ACBD5: variants seen among roughly 807,000 people sequenced by gnomAD.
The protein encoded by ACBD5 is acyl-CoA binding domain containing 5, also known as acyl-CoA-binding domain-containing protein 5.
Under a neutral mutation model 71.8 loss-of-function variants are expected in ACBD5, and 40 were observed. The observed-to-expected ratio is 0.56, with a 90% CI of 0.43 to 0.72. The LOEUF (loss-of-function observed/expected upper bound fraction) is 0.72, where lower values mean the gene tolerates loss of function less well. Ranked by LOEUF, ACBD5 falls within the 30% of genes least tolerant of loss-of-function variation. ACBD5 has a pLI of 0.00. For missense variants in ACBD5, 559 were observed against 644.5 expected (o/e 0.87, Z 1.44); for synonymous variants, 229 against 218.6 (o/e 1.05, Z -0.42).
chr10:27,204,078 T>C (rs915607078), intron 12 of ACBD5, among the ~76,000 whole-genome samples: 1 of 129,738 alleles, frequency 7.7e-6, no homozygotes, highest in Admixed American at 9.9e-5. Context: ...TCAGTGCACA[T>C]GATCATGCCT....
chr10:27,185,154 G>A (rs1443169026), intron 13 of ACBD5, among the ~76,000 whole-genome samples: 1 of 152,164 alleles, frequency 6.6e-6, no homozygotes, highest in Non-Finnish European at 1.5e-5. Flanking sequence ...GGAGAAGGGG[G>A]TGAGCTTCAT....
intron 7 of ACBD5, 93 bp from the exon 8 acceptor site, chr10:27,215,734 C>G: frequency 3.3e-6 from 3 of 913,976 alleles, no homozygotes; most frequent in East Asian, 2.8e-5. Flanking sequence ...GAGTCTTGCT[C>G]TGTTGCCCAG....
At chr10:27,221,099 A>G (rs2062277402) in intron 5 of ACBD5, among the ~76,000 whole-genome samples, 1 of 151,124 alleles carries the variant, frequency 6.6e-6, no homozygotes, top group Non-Finnish European at 1.5e-5. Context: ...CTCAGGTTAA[A>G]AAAATTATGG....
intron 5 of ACBD5, among the ~76,000 whole-genome samples, chr10:27,221,513 T>C (rs1344432102): frequency 6.6e-6 from 1 of 152,214 alleles, no homozygotes; most frequent in Non-Finnish European, 1.5e-5. Context: ...GTTTTATAAT[T>C]AGCTGTTTAA....
chr10:27,191,627 T>C (rs2059081468), downstream of ACBD5, among the ~76,000 whole-genome samples: 2 of 152,196 alleles, frequency 1.3e-5, no homozygotes, highest in Non-Finnish European at 2.9e-5. Context: ...CTCACGCCTG[T>C]AAGCCTAACA....
downstream of ACBD5, among the ~76,000 whole-genome samples, chr10:27,193,977 G>A (rs35805599): frequency 0.63 from 95,119 of 152,068 alleles, 29,865 homozygotes; most frequent in Non-Finnish European, 0.65. Flanking sequence ...CAGGCCAGGC[G>A]CGGTGGCTCA....
chr10:27,199,658 A>G (rs1269195900), intron 12 of ACBD5, among the ~76,000 whole-genome samples: 3 of 152,074 alleles, frequency 2.0e-5, no homozygotes, highest in Non-Finnish European at 2.9e-5. Context: ...CCTAGGCTCC[A>G]TTTGGAGAAT....
In ACBD5 at chr10:27,198,547, T is replaced by G. The variant is rs1025316132; in HGVS notation, c.1566-1105A>C. On this transcript the variant is annotated intron_variant, in intron 12 of 12. Transcript: ENST00000396271. Reference sequence around the variant, plus strand: ...CTTATCCTCTGCAGAAATCCTCTTATGTACACCTCCTTGGCAGGAGTGACA... The same window carrying G: ...CTTATCCTCTGCAGAAATCCTCTTAGGTACACCTCCTTGGCAGGAGTGACA... Among the ~76,000 whole-genome samples the G allele has an allele frequency of 2.0e-5, 3 of 152,170 alleles. No individual in the cohort carries two copies. In the East Asian group the frequency reaches 5.8e-4, roughly 29 times the overall value.
chr10:27,239,800 G>A (rs1418549068), intron 2 of ACBD5, among the ~76,000 whole-genome samples: 1 of 152,264 alleles, frequency 6.6e-6, no homozygotes, highest in Non-Finnish European at 1.5e-5. Flanking sequence ...AGGCTGGAGT[G>A]CAGTGGCACG....
Position 27,210,839 on chromosome 10 carries a change from T to C in ACBD5, c.1179A>G (p.Glu393=), listed in dbSNP as rs747273753. ...CTCTTCCTCTTCTAACATTAGAGAA[T>C]TCGTCAGTTTCTCCGCCTCGCTTCT... The part of the protein sequence containing the change: ...HREKRGGETD[E]FSNVRRGRGH... Residue 393 remains glutamate, a synonymous_variant, in exon 9 of 13, where the codon GAA becomes GAG. Transcript: ENST00000396271. 1 of 1,614,206 alleles carries C rather than the reference T, an allele frequency of 6.2e-7. No homozygotes were observed. Among genetic ancestry groups the C allele is most frequent in the Non-Finnish European group, 8.5e-7 (1 of 1,180,034 alleles).
chr10:27,207,286 CATAATAATA>C (rs10676608), intron 10 of ACBD5, among the ~76,000 whole-genome samples: 4 of 146,020 alleles, frequency 2.7e-5, no homozygotes, highest in South Asian at 2.2e-4. Flanking sequence ...AAAAAAAACC[CATAATAATA>C]ATAATAATAA....
At chr10:27,192,188 G>C (rs1197084545), downstream of ACBD5, among the ~76,000 whole-genome samples, 1 of 151,622 alleles carries the variant, frequency 6.6e-6, no homozygotes, top group East Asian at 1.9e-4. Context: ...GAGACTACTG[G>C]GAATAAATAT....
Position 27,196,103 on chromosome 10 carries a change from G to C in ACBD5, c.*1327C>G, listed in dbSNP as rs2059361487. On this transcript the variant is annotated 3_prime_UTR_variant, in exon 13 of 13. Coordinates refer to ENST00000396271, the MANE Select transcript of ACBD5 (RefSeq NM_145698.5). ...TGTAATCCCAGCTACTTGGGAGTGAGGCAGGAGAATCACTTGAACCCAGGA... is the reference window on the plus strand; with the variant it reads ...TGTAATCCCAGCTACTTGGGAGTGACGCAGGAGAATCACTTGAACCCAGGA... 2.2e-6 allele frequency: 1 copy of C among 447,720 alleles called. No individual in the cohort carries two copies. Among genetic ancestry groups the C allele is most frequent in the South Asian group, 1.6e-5 (1 of 63,556 alleles). 27.7% of individuals were successfully genotyped at this position (447,720 alleles called of 1,614,324 possible). A position where few individuals can be genotyped will look rare whatever the true frequency, so the allele number is the denominator to read the frequency against.
chr10:27,196,099 G>GGT lies in ACBD5; in HGVS notation c.*1330_*1331insAC, dbSNP rs1340140105. The GGT allele has an allele frequency of 6.8e-6, 3 of 444,362 alleles. No individual in the cohort carries two copies. Among genetic ancestry groups the GGT allele is most frequent in the African/African-American group, 4.1e-5 (2 of 49,322 alleles). 27.5% of individuals were successfully genotyped at this position (444,362 alleles called of 1,614,324 possible). ...TGCCTGTAATCCCAGCTACTTGGGA[G>GGT]TGAGGCAGGAGAATCACTTGAACCC... is the stretch of plus-strand genomic sequence containing the variant. On this transcript the variant is annotated 3_prime_UTR_variant, in exon 13 of 13. Coordinates refer to ENST00000396271, the MANE Select transcript of ACBD5 (RefSeq NM_145698.5).
intron 4 of ACBD5, among the ~76,000 whole-genome samples, chr10:27,226,399 A>C (rs1357906004): frequency 6.6e-6 from 1 of 151,294 alleles, no homozygotes; most frequent in East Asian, 1.9e-4. Context: ...CCCTGACACC[A>C]ATATTGAAAT....
chr10:27,191,055 CTTTT>C, downstream of ACBD5, among the ~76,000 whole-genome samples: 1 of 152,280 alleles, frequency 6.6e-6, no homozygotes, highest in African/African-American at 2.4e-5. Context: ...TCTGCAAATT[CTTTT>C]ACACTCTTCC....
chr10:27,232,695 T>C (rs993793642), intron 3 of ACBD5, among the ~76,000 whole-genome samples: 1 of 152,164 alleles, frequency 6.6e-6, no homozygotes. Flanking sequence ...GCCTAACTTG[T>C]ACATTTGAAC....
In ACBD5 at chr10:27,221,318, C is replaced by T. The variant is rs141633518; in HGVS notation, c.491-1461G>A. On this transcript the variant is annotated intron_variant, in intron 5 of 12. Transcript: ENST00000396271. The stretch of plus-strand genomic sequence containing the variant: ...ATAGTTACATTAAAGAGGAAAGAGA[C>T]TCAAAATACCCTCGTTTTACTTCAG... Among the ~76,000 whole-genome samples, 352 of 152,262 alleles carry T rather than the reference C, an allele frequency of 2.3e-3. 3 individuals are homozygous for T. Among genetic ancestry groups the T allele is most frequent in the African/African-American group, 7.9e-3 (328 of 41,538 alleles).
At chr10:27,219,016 T>C (rs2061994930) in intron 6 of ACBD5, among the ~76,000 whole-genome samples, 1 of 152,156 alleles carries the variant, frequency 6.6e-6, no homozygotes, top group Admixed American at 6.6e-5. Flanking sequence ...AATTTATGCC[T>C]GTAGGCCGGG....
Sources: gnomAD v4.1 joint callset for allele counts (sites outside exome capture counted in the v4.1 genomes callset) on GRCh38, gnomAD v4.1.1 for gene constraint, MANE v1.5 for transcripts, NCBI Gene and HGNC (gene_info 2026-07-23, HGNC 2026-07-21) for gene names.